EXPH5: variants seen among roughly 807,000 people sequenced by gnomAD.
The protein encoded by EXPH5 is exophilin 5.
Under a neutral mutation model 41.1 loss-of-function variants are expected in EXPH5, and 42 were observed. The observed-to-expected ratio is 1.02, with a 90% CI of 0.80 to 1.32. EXPH5 has a LOEUF of 1.32. EXPH5 is among the 40% of genes most tolerant of loss of function. The pLI is 0.00. For missense variants in EXPH5, 2,298 were observed against 2,314.5 expected (o/e 0.99, Z 0.15); for synonymous variants, 798 against 833.5 (o/e 0.96, Z 0.73).
At chr11:108,541,535 A>T in intron 2 of EXPH5, 117 bp downstream of exon 2, 1 of 613,346 alleles carries the variant, frequency 1.6e-6, no homozygotes, top group Non-Finnish European at 2.7e-6. Flanking sequence ...GTGGCTTATG[A>T]CTTTAAAATA....
chr11:108,574,153 C>G (rs948964308), intron 1 of EXPH5, among the ~76,000 whole-genome samples: 32 of 151,800 alleles, frequency 2.1e-4, no homozygotes, highest in Admixed American at 6.6e-4. Flanking sequence ...TCCTGATTCA[C>G]TCGCCTTAGC....
At position 108,509,515 on chromosome 11, in the gene EXPH5, A is replaced by G; in HGVS notation, c.*22T>C. The G allele has an allele frequency of 1.3e-6, 2 of 1,528,170 alleles. No homozygotes were observed. The highest frequency in any genetic ancestry group is 1.3e-5 in the South Asian group (1 of 74,748). 94.7% of individuals were successfully genotyped at this position (1,528,170 alleles called of 1,614,324 possible). A position where few individuals can be genotyped will look rare whatever the true frequency, so the allele number is the denominator to read the frequency against. On this transcript the variant is annotated 3_prime_UTR_variant, in exon 6 of 6. Transcript: ENST00000265843. ...ATTATAAGCTTTTGGTGAAAAAAGT[A>G]AAGCATTTTATTGAAAAAGCCTCAC...
upstream of EXPH5, among the ~76,000 whole-genome samples, chr11:108,595,694 C>T (rs2136135353): frequency 6.6e-6 from 1 of 152,240 alleles, no homozygotes; most frequent in East Asian, 1.9e-4. Context: ...TAACATTGCA[C>T]AAGGGAGGTG....
intron 1 of EXPH5, among the ~76,000 whole-genome samples, chr11:108,553,460 G>A (rs2093976883): frequency 6.6e-6 from 1 of 152,132 alleles, no homozygotes; most frequent in Non-Finnish European, 1.5e-5. Flanking sequence ...AGTCCCTCTT[G>A]TAGCTCATCA....
chr11:108,567,641 G>C lies in EXPH5; in HGVS notation c.119+25777C>G, dbSNP rs183346879. ...GATTTCATAGCCCATACAAACATTA[G>C]GCCTTCAAAATATTTGTCAAGTATT... On this transcript the variant is annotated intron_variant, in intron 1 of 5. Transcript: ENST00000265843. Among the ~76,000 whole-genome samples, 38 of 152,132 alleles carry C rather than the reference G, an allele frequency of 2.5e-4. No homozygotes were observed. The East Asian group carries it at 7.0e-3, about 28-fold the overall frequency.
chr11:108,553,918 G>A (rs183833907), intron 1 of EXPH5, among the ~76,000 whole-genome samples: 85 of 152,266 alleles, frequency 5.6e-4, no homozygotes, highest in African/African-American at 2.0e-3. Context: ...CCTGGGCCAG[G>A]CACGTTACAC....
the EXPH5 span, among the ~76,000 whole-genome samples, chr11:108,605,256 C>T: frequency 6.6e-6 from 1 of 152,154 alleles, no homozygotes; most frequent in Non-Finnish European, 1.5e-5. Context: ...AGCAGTGACC[C>T]TTCTGCTGGG....
At chr11:108,568,633 A>G (rs2094046033) in intron 1 of EXPH5, among the ~76,000 whole-genome samples, 1 of 152,108 alleles carries the variant, frequency 6.6e-6, no homozygotes, top group Non-Finnish European at 1.5e-5. Flanking sequence ...GTCCTTTAGT[A>G]TTCAGATATA....
intron 1 of EXPH5, among the ~76,000 whole-genome samples, chr11:108,560,751 AG>A (rs2136078194): frequency 6.6e-6 from 1 of 152,370 alleles, no homozygotes; most frequent in Non-Finnish European, 1.5e-5. Context: ...AAATACTGCC[AG>A]CAGTACAAAC....
intron 4 of EXPH5, among the ~76,000 whole-genome samples, chr11:108,525,108 GCCA>G (rs2093789604): frequency 6.6e-6 from 1 of 152,196 alleles, no homozygotes. Flanking sequence ...TCTCTTGCTT[GCCA>G]CCATGTAAGA....
At chr11:108,580,722 A>G (rs1186580671) in intron 1 of EXPH5, among the ~76,000 whole-genome samples, 1 of 152,240 alleles carries the variant, frequency 6.6e-6, no homozygotes, top group East Asian at 1.9e-4. Context: ...CTATTCAGCC[A>G]TAAAAAGAAT....
chr11:108,572,446 C>G (rs1207457705), intron 1 of EXPH5, among the ~76,000 whole-genome samples: 1 of 152,206 alleles, frequency 6.6e-6, no homozygotes, highest in African/African-American at 2.4e-5. Flanking sequence ...AGACAATGAT[C>G]TCCTAAGGAT....
In EXPH5 at chr11:108,518,280, G is replaced by A. The variant is rs765190779; in HGVS notation, c.586C>T (p.Pro196Ser). 26 of 1,613,634 alleles carry A rather than the reference G, an allele frequency of 1.6e-5. No individual in the cohort carries two copies. The highest frequency in any genetic ancestry group is 2.0e-5 in the Non-Finnish European group (24 of 1,179,772). ...AGCAGTGAAGCATCCCACGGTGGAGGCATGCCACTCTCCTCCCTCATGACT... is the reference window on the plus strand; with the variant it reads ...AGCAGTGAAGCATCCCACGGTGGAGACATGCCACTCTCCTCCCTCATGACT... Reference protein sequence around the residue: ...PAVMREESGMPPPWDASLLEN... With the variant: ...PAVMREESGMSPPWDASLLEN... The change falls in exon 5 of 6, where the codon CCT becomes TCT. Residue 196 changes from proline to serine, a missense_variant. By Grantham distance (74) the Pro-to-Ser change is moderately conservative. Coordinates refer to ENST00000265843, the MANE Select transcript of EXPH5 (RefSeq NM_015065.3).
intron 4 of EXPH5, among the ~76,000 whole-genome samples, chr11:108,524,169 A>G (rs564929971): frequency 2.0e-4 from 31 of 152,370 alleles, no homozygotes; most frequent in African/African-American, 7.2e-4. Flanking sequence ...CATGAGCTCT[A>G]CATAGGTTCC....
chr11:108,575,001 A>C (rs1026772175), intron 1 of EXPH5, among the ~76,000 whole-genome samples: 1 of 152,234 alleles, frequency 6.6e-6, no homozygotes, highest in Non-Finnish European at 1.5e-5. Context: ...TTCTTATGTC[A>C]GAAAAATGTA....
Position 108,506,424 on chromosome 11 carries a change from T to TA in EXPH5, c.*3112dup, listed in dbSNP as rs1565758508. 1.3e-5 allele frequency: 2 copies of TA among 152,340 alleles called. No individual in the cohort carries two copies. The highest frequency in any genetic ancestry group is 3.9e-4 in the East Asian group (2 of 5,186). 9.4% of individuals were successfully genotyped at this position (152,340 alleles called of 1,614,324 possible). On this transcript the variant is annotated 3_prime_UTR_variant, in exon 6 of 6. Transcript: ENST00000265843. ...ACTGGCCATCAATTACCTTTGAATTTAAACAGTACATTCCAGCGCAGTCTG... is the reference window on the plus strand; with the variant it reads ...ACTGGCCATCAATTACCTTTGAATTTAAAACAGTACATTCCAGCGCAGTCTG...
chr11:108,538,023 T>G (rs928818030), intron 3 of EXPH5: 1 of 985,306 alleles, frequency 1.0e-6, no homozygotes, highest in African/African-American at 1.7e-5. Context: ...AAATCTACAT[T>G]GTGGTCTGCT....
chr11:108,567,844 A>G (rs1402374152), intron 1 of EXPH5: 2 of 152,182 alleles, frequency 1.3e-5, no homozygotes, highest in Non-Finnish European at 1.5e-5. Flanking sequence ...TGTGTACAAC[A>G]TATTTAAGCA....
intron 1 of EXPH5, among the ~76,000 whole-genome samples, chr11:108,555,465 A>C (rs1014432194): frequency 2.0e-5 from 3 of 152,166 alleles, no homozygotes; most frequent in African/African-American, 7.2e-5. Context: ...AAAGAGACAA[A>C]GATTCTCACC....
Sources: allele counts gnomAD v4.1 joint callset (sites outside exome capture counted in the v4.1 genomes callset), GRCh38; gene constraint gnomAD v4.1.1; transcripts MANE v1.5; gene names NCBI Gene and HGNC (gene_info 2026-07-23, HGNC 2026-07-21).